GDPD4: variants seen among roughly 807,000 people sequenced by gnomAD.
The protein encoded by GDPD4 is glycerophosphodiester phosphodiesterase domain containing 4.
A neutral mutation model predicts 67.8 loss-of-function variants in GDPD4; 60 were observed. The observed-to-expected ratio is 0.88, with a 90% CI of 0.72 to 1.10. GDPD4 has a LOEUF of 1.10. Ranked by LOEUF, GDPD4 falls within the 50% of genes least tolerant of loss-of-function variation. The pLI is 0.00. For missense variants in GDPD4, 623 were observed against 613.9 expected (o/e 1.01, Z -0.16); for synonymous variants, 212 against 210.9 (o/e 1.00, Z -0.04).
At chr11:77,217,589 C>T (rs1334433452) in intron 16 of GDPD4, among the ~76,000 whole-genome samples, 6 of 152,324 alleles carry the variant, frequency 3.9e-5, no homozygotes, top group South Asian at 4.1e-4. Flanking sequence ...GCTTAAAGTT[C>T]ATGTATTCCA....
chr11:77,254,752 T>A (rs2135855123), intron 11 of GDPD4, among the ~76,000 whole-genome samples: 1 of 152,346 alleles, frequency 6.6e-6, no homozygotes, highest in Admixed American at 6.5e-5. Flanking sequence ...TCCCAGAATG[T>A]CTGTATCTAT....
chr11:77,286,241 A>G (rs1381797579), intron 2 of GDPD4, among the ~76,000 whole-genome samples: 2 of 152,096 alleles, frequency 1.3e-5, no homozygotes, highest in African/African-American at 4.8e-5. Flanking sequence ...TTAATCACCC[A>G]TCACCTTCTA....
At position 77,258,402 on chromosome 11, in the gene GDPD4, C is replaced by T. The variant is rs1959044384; in HGVS notation, c.848G>A (p.Trp283Ter). 1.9e-6 allele frequency: 3 copies of T among 1,614,054 alleles called. No individual in the cohort carries two copies. The highest frequency in any genetic ancestry group is 2.2e-5 in the East Asian group (1 of 44,874). Reference protein sequence around the residue: ...DFLSTLNAGKWFVKPELRPFY... With the variant: ...DFLSTLNAGK The stretch of plus-strand genomic sequence containing the variant: ...GTGTCTTACCTCTGGTTTTACAAAC[C>T]ATTTGCCTGCATTCAGAGTCGATAG... Residue 283 changes from tryptophan to a stop codon, truncating the protein, a stop_gained, in exon 11 of 17, where the codon TGG becomes TAG. Coordinates refer to ENST00000315938, the MANE Select transcript of GDPD4 (RefSeq NM_182833.3). LOFTEE classifies it high-confidence loss of function.
intron 10 of GDPD4, among the ~76,000 whole-genome samples, chr11:77,260,528 T>C (rs1959096491): frequency 6.6e-6 from 1 of 151,746 alleles, no homozygotes. Context: ...TAATCAAAAC[T>C]TACTAGAGAT....
At chr11:77,244,528 T>C (rs1348910665) in intron 12 of GDPD4, among the ~76,000 whole-genome samples, 2 of 152,138 alleles carry the variant, frequency 1.3e-5, no homozygotes, top group Non-Finnish European at 2.9e-5. Flanking sequence ...AACATCTTTC[T>C]GGTTAATGAT....
intron 16 of GDPD4, among the ~76,000 whole-genome samples, chr11:77,222,702 A>ATGTG (rs1351445218): frequency 3.9e-5 from 6 of 151,996 alleles, no homozygotes; most frequent in Non-Finnish European, 1.5e-5. Context: ...TCTGACAATT[A>ATGTG]TGTGTCCTGG....
chr11:77,269,541 T>C (rs1368423982), intron 8 of GDPD4, among the ~76,000 whole-genome samples: 5 of 152,202 alleles, frequency 3.3e-5, no homozygotes, highest in South Asian at 2.1e-4. Flanking sequence ...CACTTCCTAA[T>C]TGTGTGACTA....
intron 14 of GDPD4, among the ~76,000 whole-genome samples, chr11:77,232,486 T>C (rs1958472894): frequency 6.6e-6 from 1 of 152,214 alleles, no homozygotes; most frequent in South Asian, 2.1e-4. Flanking sequence ...CTCAAGCTTC[T>C]GGCAGTAAGC....
rs781602692 is a variant in GDPD4 at position 77,268,447 on chromosome 11, G to A, written c.707+10C>T. On this transcript the variant is annotated intron_variant, in intron 10 of 16. Coordinates refer to ENST00000315938, the MANE Select transcript of GDPD4 (RefSeq NM_182833.3). ...CCTCCTCCCCTCACCCCAGTTCCCT[G>A]CTTTCTTACCTTAAGTGTATATCAG... 3 of 1,594,314 alleles carry A rather than the reference G, an allele frequency of 1.9e-6. No individual in the cohort carries two copies. The highest frequency in any genetic ancestry group is 1.7e-6 in the Non-Finnish European group (2 of 1,162,440).
chr11:77,279,549 TTA>T (rs1422439429), intron 3 of GDPD4, 150 bp from the exon 4 acceptor site: 3 of 511,870 alleles, frequency 5.9e-6, no homozygotes, highest in African/African-American at 5.6e-5. Context: ...TTGCGGATAA[TTA>T]TATGAGGAGT....
chr11:77,294,191 A>C (rs1937874358), intron 1 of GDPD4, among the ~76,000 whole-genome samples: 1 of 152,228 alleles, frequency 6.6e-6, no homozygotes, highest in Admixed American at 6.5e-5. Flanking sequence ...TTTAGTTACC[A>C]GTAATGTACT....
chr11:77,276,274 C>CCAAA, intron 4 of GDPD4, 54 bp from the exon 5 acceptor site: 1 of 1,374,322 alleles, frequency 7.3e-7, no homozygotes, highest in Non-Finnish European at 1.0e-6. Context: ...AAGTTGCCAC[C>CCAAA]CAAAGCACTG....
intron 11 of GDPD4, among the ~76,000 whole-genome samples, chr11:77,250,054 T>G (rs1000342219): frequency 9.2e-5 from 14 of 152,214 alleles, no homozygotes; most frequent in African/African-American, 3.4e-4. Flanking sequence ...TATTATCTGA[T>G]TTTTACATTT....
At chr11:77,263,341 T>A (rs1670458) in intron 10 of GDPD4, among the ~76,000 whole-genome samples, 2 of 152,168 alleles carry the variant, frequency 1.3e-5, no homozygotes, top group East Asian at 1.9e-4. Context: ...GAAATGTTAG[T>A]GTACTGATAA....
intron 1 of GDPD4, among the ~76,000 whole-genome samples, chr11:77,301,006 A>T (rs1938140751): frequency 6.6e-6 from 1 of 151,378 alleles, no homozygotes; most frequent in African/African-American, 2.4e-5. Flanking sequence ...TAACCAGAAT[A>T]ATTACCACCA....
chr11:77,238,506 C>T (rs530128083), intron 13 of GDPD4, among the ~76,000 whole-genome samples: 7 of 150,900 alleles, frequency 4.6e-5, no homozygotes, highest in Admixed American at 1.3e-4. Context: ...ATCACTTGAA[C>T]CTGGGAGGCA....
At chr11:77,267,577 T>C (rs1346547662) in intron 10 of GDPD4, among the ~76,000 whole-genome samples, 7 of 152,230 alleles carry the variant, frequency 4.6e-5, no homozygotes, top group Admixed American at 1.3e-4. Context: ...ATGTACTTAT[T>C]TGCTATCTGT....
intron 9 of GDPD4, 48 bp downstream of exon 9, chr11:77,268,876 A>G (rs369468264): frequency 5.4e-5 from 86 of 1,582,230 alleles, no homozygotes; most frequent in Non-Finnish European, 6.9e-5. Flanking sequence ...TTGACCACAT[A>G]CCCCACACAT....
intron 1 of GDPD4, among the ~76,000 whole-genome samples, chr11:77,297,731 C>T (rs1474632353): frequency 6.6e-6 from 1 of 151,956 alleles, no homozygotes; most frequent in Non-Finnish European, 1.5e-5. Flanking sequence ...AATCAATAGA[C>T]GTGAAGAACT....
Sources: allele counts gnomAD v4.1 joint callset (sites outside exome capture counted in the v4.1 genomes callset), GRCh38; gene constraint gnomAD v4.1.1; transcripts MANE v1.5; gene names NCBI Gene and HGNC (gene_info 2026-07-23, HGNC 2026-07-21).